IGSF21: variants seen among roughly 807,000 people sequenced by gnomAD.
The protein encoded by IGSF21 is immunoglobulin superfamily member 21.
A neutral mutation model predicts 46.8 loss-of-function variants in IGSF21; 28 were observed. That is an observed-to-expected ratio of 0.60 (90% confidence interval 0.44 to 0.82). The LOEUF (loss-of-function observed/expected upper bound fraction) is 0.82, where lower values mean the gene tolerates loss of function less well. Among genes scored for constraint, IGSF21 ranks in the 40% least tolerant of loss-of-function variants. The probability of loss-of-function intolerance (pLI) is 0.00; values close to 1 mark genes in which losing one functional copy is unlikely to be tolerated. For missense variants in IGSF21, 624 were observed against 665.5 expected (o/e 0.94, Z 0.69); for synonymous variants, 284 against 273.6 (o/e 1.04, Z -0.38).
chr1:18,306,534 C>T (rs978102182), intron 3 of IGSF21, among the ~76,000 whole-genome samples: 3 of 152,188 alleles, frequency 2.0e-5, no homozygotes, highest in African/African-American at 4.8e-5. Context: ...TCAAGCACCC[C>T]GAGGATAAAG....
intron 1 of IGSF21, among the ~76,000 whole-genome samples, chr1:18,188,958 G>A (rs937205255): frequency 4.6e-5 from 7 of 152,328 alleles, no homozygotes; most frequent in Middle Eastern, 3.4e-3. Flanking sequence ...GCTGCTGCAG[G>A]GGTGAGGAGT....
chr1:18,327,410 C>A (rs771210455), intron 3 of IGSF21, among the ~76,000 whole-genome samples: 3 of 152,158 alleles, frequency 2.0e-5, no homozygotes, highest in Non-Finnish European at 4.4e-5. Flanking sequence ...GCACACACAG[C>A]ACCTCTCCCT....
intron 3 of IGSF21, among the ~76,000 whole-genome samples, chr1:18,309,555 G>A (rs68096873): frequency 0.11 from 16,863 of 152,138 alleles, 1,070 homozygotes; most frequent in Non-Finnish European, 0.14. Flanking sequence ...TTCATTTCAG[G>A]AGAACCCCAC....
At chr1:18,307,642 G>A (rs1353726109) in intron 3 of IGSF21, among the ~76,000 whole-genome samples, 1 of 152,222 alleles carries the variant, frequency 6.6e-6, no homozygotes, top group Non-Finnish European at 1.5e-5. Flanking sequence ...GCAGGCTTGG[G>A]AAAAGGGGAT....
At chr1:18,178,589 CTAT>C (rs1486911026) in intron 1 of IGSF21, among the ~76,000 whole-genome samples, 1 of 152,156 alleles carries the variant, frequency 6.6e-6, no homozygotes, top group Non-Finnish European at 1.5e-5. Flanking sequence ...TAAGTGTTAG[CTAT>C]TATTCTATTG....
intron 1 of IGSF21, among the ~76,000 whole-genome samples, chr1:18,223,650 A>G (rs547644786): frequency 1.2e-4 from 19 of 152,356 alleles, no homozygotes; most frequent in African/African-American, 4.6e-4. Flanking sequence ...CTCTACTGAT[A>G]TTAATGGAAT....
rs182866666 is a variant in IGSF21, at chr1:18,263,271, T to G, written c.184-28595T>G. Among the ~76,000 whole-genome samples the G allele has an allele frequency of 2.7e-3, 408 of 152,322 alleles. 1 individual carries two copies. Among genetic ancestry groups the G allele is most frequent in the Non-Finnish European group, 4.7e-3 (321 of 68,020 alleles). ...AGCCAGTTTCGGGAAGGACTCTTAC[T>G]GCCTGGGAGCCATTTGGCTTTCTCA... On this transcript the variant is annotated intron_variant, in intron 2 of 9. Coordinates refer to ENST00000251296, the MANE Select transcript of IGSF21 (RefSeq NM_032880.5).
At chr1:18,214,249 C>T (rs1353287817) in intron 1 of IGSF21, among the ~76,000 whole-genome samples, 10 of 151,962 alleles carry the variant, frequency 6.6e-5, no homozygotes, top group South Asian at 2.1e-4. Context: ...CAAAAGAGCC[C>T]GGGAGGTCGG....
At chr1:18,158,417 G>C (rs906092239) in intron 1 of IGSF21, among the ~76,000 whole-genome samples, 16 of 152,218 alleles carry the variant, frequency 1.1e-4, no homozygotes, top group African/African-American at 3.9e-4. Flanking sequence ...GAACGAAGAG[G>C]AATTTTAATT....
intron 1 of IGSF21, among the ~76,000 whole-genome samples, chr1:18,192,218 T>C (rs760387590): frequency 6.6e-6 from 1 of 152,202 alleles, no homozygotes; most frequent in African/African-American, 2.4e-5. Context: ...TCCCACTTTG[T>C]AGTACCATAA....
chr1:18,275,582 G>C (rs1174573220), intron 2 of IGSF21, among the ~76,000 whole-genome samples: 3 of 152,112 alleles, frequency 2.0e-5, no homozygotes, highest in Non-Finnish European at 4.4e-5. Flanking sequence ...TCTGATGGGG[G>C]AGCAGTGGGG....
intron 2 of IGSF21, among the ~76,000 whole-genome samples, chr1:18,266,765 G>C (rs2084993151): frequency 6.6e-6 from 1 of 152,202 alleles, no homozygotes; most frequent in Non-Finnish European, 1.5e-5. Flanking sequence ...GTGGACCCAA[G>C]AAGTCGTGAA....
chr1:18,173,613 T>C (rs1460555792), intron 1 of IGSF21, among the ~76,000 whole-genome samples: 1 of 152,252 alleles, frequency 6.6e-6, no homozygotes, highest in African/African-American at 2.4e-5. Flanking sequence ...CTTGGCATGA[T>C]GCTTTGGAGA....
chr1:18,234,693 G>A (rs1169651530), intron 2 of IGSF21, among the ~76,000 whole-genome samples: 1 of 152,132 alleles, frequency 6.6e-6, no homozygotes, highest in African/African-American at 2.4e-5. Context: ...CATGTCTTGT[G>A]AGAACTCACT....
rs879561358 is a variant in IGSF21, at chr1:18,278,534, TG to T, written c.184-13331del. Among the ~76,000 whole-genome samples the T allele has an allele frequency of 6.0e-3, 683 of 113,106 alleles. 5 individuals are homozygous for T. In the Middle Eastern group the frequency reaches 0.068, roughly 11 times the overall value. The allele number at this position is 113,106 out of a possible 152,430, so 74.2% of individuals were successfully genotyped here. On this transcript the variant is annotated intron_variant, in intron 2 of 9. Coordinates refer to ENST00000251296, the MANE Select transcript of IGSF21 (RefSeq NM_032880.5). ...GGGATTACAGGTGTAAGGTTTTTTT[TG>T]TTTGTTTGTTTGTTTGTTTGTTTGT...
In IGSF21 at chr1:18,337,006, T is replaced by C. The variant is rs999105612; in HGVS notation, c.424+1996T>C. 1.3e-5 allele frequency among the ~76,000 whole-genome samples: 2 copies of C among 152,178 alleles called. No individual in the cohort carries two copies. The highest frequency in any genetic ancestry group is 2.9e-5 in the Non-Finnish European group (2 of 68,032). On this transcript the variant is annotated intron_variant, in intron 4 of 9. Transcript: ENST00000251296. The surrounding 1 kb of genome is among the most constrained non-coding windows in gnomAD (Gnocchi z 5.7). ...AAGACCGACCCCTATGATTCAGTTA[T>C]CTCCCACTAGGTCCCTCCTACAACA... is the stretch of plus-strand genomic sequence containing the variant.
At chr1:18,249,919 ACT>A (rs1237601363) in intron 2 of IGSF21, among the ~76,000 whole-genome samples, 1 of 151,824 alleles carries the variant, frequency 6.6e-6, no homozygotes, top group Admixed American at 6.5e-5. Flanking sequence ...GCAGGATCTG[ACT>A]CTGCTGCCGG....
At chr1:18,173,602 A>G (rs1038157132) in intron 1 of IGSF21, among the ~76,000 whole-genome samples, 1 of 152,222 alleles carries the variant, frequency 6.6e-6, no homozygotes, top group Admixed American at 6.5e-5. Context: ...GGCTTTGTTC[A>G]CTTGGCATGA....
At chr1:18,321,110 G>A (rs2085596204) in intron 3 of IGSF21, among the ~76,000 whole-genome samples, 2 of 152,262 alleles carry the variant, frequency 1.3e-5, no homozygotes, top group Non-Finnish European at 1.5e-5. Flanking sequence ...GTTTGGCGTC[G>A]GGGGCTCTGG....
Sources: allele counts gnomAD v4.1 joint callset (sites outside exome capture counted in the v4.1 genomes callset), GRCh38; gene constraint gnomAD v4.1.1; non-coding constraint Gnocchi (gnomAD v3.1); transcripts MANE v1.5; gene names NCBI Gene and HGNC (gene_info 2026-07-23, HGNC 2026-07-21).